Variants in NCK2 observed in about 807,000 individuals in gnomAD.
The protein encoded by NCK2 is cytoplasmic protein NCK2.
Under a neutral mutation model 33.9 loss-of-function variants are expected in NCK2, and 16 were observed. The ratio of observed to expected loss-of-function variants is 0.47; its 90% CI spans 0.32 to 0.72. The LOEUF is 0.72. NCK2 is among the 30% of genes least tolerant of loss of function. The pLI is 0.03. For missense variants in NCK2, 418 were observed against 537.3 expected (o/e 0.78, Z 2.19); for synonymous variants, 273 against 239.9 (o/e 1.14, Z -1.27).
chr2:105,778,204 C>T (rs1274091458), intron 1 of NCK2, among the ~76,000 whole-genome samples: 1 of 152,186 alleles, frequency 6.6e-6, no homozygotes, highest in Non-Finnish European at 1.5e-5. Context: ...CCTAGAAAGC[C>T]CCCTGCCTCT....
Position 105,881,968 on chromosome 2 carries a change from C to A in NCK2, c.867C>A (p.Asn289Lys). ...RFAGREWYYG[N>K]VTRHQAECAL... ...CGGGCAGAGAGTGGTACTACGGGAA[C>A]GTGACGCGGCACCAGGCCGAGTGCG... Residue 289 changes from asparagine (N) to lysine (K), a missense_variant, in exon 4 of 5, where the codon AAC (asparagine) becomes AAA (lysine). Coordinates refer to ENST00000233154, the MANE Select transcript of NCK2 (RefSeq NM_003581.5). 2.0e-6 allele frequency: 3 copies of A among 1,531,190 alleles called. No individual in the cohort carries two copies. Among genetic ancestry groups the A allele is most frequent in the South Asian group, 2.6e-5 (2 of 76,936 alleles). 94.9% of individuals were successfully genotyped at this position (1,531,190 alleles called of 1,614,324 possible). A position where few individuals can be genotyped will look rare whatever the true frequency, so the allele number is the denominator to read the frequency against.
At chr2:105,862,082 G>T (rs1046692892) in intron 3 of NCK2, among the ~76,000 whole-genome samples, 4 of 152,138 alleles carry the variant, frequency 2.6e-5, no homozygotes, top group African/African-American at 9.7e-5. Context: ...GGGTTAGCCT[G>T]CATAAATACA....
rs1675495819 is a variant in NCK2, at chr2:105,816,625, G to A, written c.-17+12G>A. 1 of 152,338 alleles carries A rather than the reference G, an allele frequency of 6.6e-6. No individual in the cohort carries two copies. The highest frequency in any genetic ancestry group is 2.4e-5 in the African/African-American group (1 of 41,584). The allele number at this position is 152,338 out of a possible 1,614,324, so 9.4% of individuals were successfully genotyped here. A position where few individuals can be genotyped will look rare whatever the true frequency, so the allele number is the denominator to read the frequency against. On this transcript the variant is annotated intron_variant, in intron 2 of 4. Coordinates refer to ENST00000233154, the MANE Select transcript of NCK2 (RefSeq NM_003581.5). ...ACTGTGTGCCAAAGGTAAGTCTGCAGTTTTCTGCTTAAAACAGAAGTTGCA... is the reference window on the plus strand; with the variant it reads ...ACTGTGTGCCAAAGGTAAGTCTGCAATTTTCTGCTTAAAACAGAAGTTGCA...
intron 4 of NCK2, among the ~76,000 whole-genome samples, chr2:105,888,098 C>G (rs571522476): frequency 1.3e-5 from 2 of 152,154 alleles, no homozygotes; most frequent in African/African-American, 4.8e-5. Context: ...GAATCTAAAG[C>G]CTAAACAAAA....
chr2:105,822,006 G>A (rs1394729115), intron 2 of NCK2, among the ~76,000 whole-genome samples: 1 of 151,912 alleles, frequency 6.6e-6, no homozygotes, highest in Non-Finnish European at 1.5e-5. Flanking sequence ...ACTGAAATGT[G>A]AGGCTCTGGG....
rs531333946 is a variant in NCK2, at chr2:105,749,305, T to C, written c.-201+4167T>C. On this transcript the variant is annotated intron_variant, in intron 1 of 4. Coordinates refer to ENST00000233154, the MANE Select transcript of NCK2 (RefSeq NM_003581.5). Reference sequence around the variant, plus strand: ...CAAGTGCACTCAGAATTTTAAGTATTGCAGTTGCTTCTTTTGAGACAATTT... The same window carrying C: ...CAAGTGCACTCAGAATTTTAAGTATCGCAGTTGCTTCTTTTGAGACAATTT... Among the ~76,000 whole-genome samples, 3 of 152,354 alleles carry C rather than the reference T, an allele frequency of 2.0e-5. No individual in the cohort carries two copies. The East Asian group carries it at 5.8e-4, about 29-fold the overall frequency.
At chr2:105,861,942 G>A (rs545486982) in intron 3 of NCK2, among the ~76,000 whole-genome samples, 63 of 41,160 alleles carry the variant, frequency 1.5e-3, no homozygotes, top group South Asian at 5.0e-3. Flanking sequence ...CCTCCTGCCC[G>A]CTCCCCCCTT....
At chr2:105,886,924 A>G (rs1180150402) in intron 4 of NCK2, among the ~76,000 whole-genome samples, 2 of 152,234 alleles carry the variant, frequency 1.3e-5, no homozygotes, top group Non-Finnish European at 2.9e-5. Context: ...TCCAAAGTTA[A>G]TGAGATGAAT....
chr2:105,819,071 T>C (rs1675622592), intron 2 of NCK2, among the ~76,000 whole-genome samples: 1 of 151,992 alleles, frequency 6.6e-6, no homozygotes, highest in Non-Finnish European at 1.5e-5. Context: ...TGATTTAGGG[T>C]GTTGTGTGTT....
chr2:105,827,788 T>C (rs1360697349), intron 2 of NCK2, among the ~76,000 whole-genome samples: 1 of 152,194 alleles, frequency 6.6e-6, no homozygotes, highest in Non-Finnish European at 1.5e-5. Flanking sequence ...AGGTTAGTGT[T>C]TACAAGGGGT....
chr2:105,838,736 C>T (rs1210173013), intron 2 of NCK2, among the ~76,000 whole-genome samples: 1 of 152,110 alleles, frequency 6.6e-6, no homozygotes, highest in East Asian at 1.9e-4. Context: ...GTGATGGAGA[C>T]CATCAACACC....
intron 1 of NCK2, among the ~76,000 whole-genome samples, chr2:105,782,053 A>G (rs1405921859): frequency 6.6e-6 from 1 of 152,236 alleles, no homozygotes; most frequent in Non-Finnish European, 1.5e-5. Flanking sequence ...GCTCCTAGAC[A>G]AAGACCTGGT....
chr2:105,774,609 TGGG>T (rs1360267951), intron 1 of NCK2, among the ~76,000 whole-genome samples: 1 of 152,014 alleles, frequency 6.6e-6, no homozygotes, highest in Admixed American at 6.6e-5. Flanking sequence ...GTCATGTGGC[TGGG>T]GAAGGCACAC....
intron 3 of NCK2, among the ~76,000 whole-genome samples, chr2:105,861,624 C>T (rs547112295): frequency 6.6e-6 from 1 of 151,740 alleles, no homozygotes; most frequent in East Asian, 1.9e-4. Context: ...AAGCGATTCT[C>T]CTGCTTCAGC....
Position 105,771,318 on chromosome 2 carries a change from G to C in NCK2, c.-201+26180G>C, listed in dbSNP as rs552196155. Among the ~76,000 whole-genome samples, 137 of 152,052 alleles carry C rather than the reference G, an allele frequency of 9.0e-4. 1 individual carries two copies. The highest frequency in any genetic ancestry group is 3.2e-3 in the African/African-American group (134 of 41,508). ...GGGGTGGCTCACGTGTGTAATCCCA[G>C]CACTTTGGGAGGCTGAGGCAGGTGG... On this transcript the variant is annotated intron_variant, in intron 1 of 4. Transcript: ENST00000233154.
intron 2 of NCK2, among the ~76,000 whole-genome samples, chr2:105,847,621 G>T (rs954378444): frequency 1.3e-5 from 2 of 152,080 alleles, no homozygotes; most frequent in Non-Finnish European, 2.9e-5. Context: ...TGGGAGAGGG[G>T]CCTGGTGGGA....
intron 3 of NCK2, chr2:105,857,117 G>A (rs1035575758): frequency 2.0e-5 from 3 of 151,596 alleles, no homozygotes; most frequent in Admixed American, 1.3e-4. Flanking sequence ...AAGGCAAGGC[G>A]AGTTCTCTGG....
At chr2:105,747,873 G>C (rs553054152) in intron 1 of NCK2, among the ~76,000 whole-genome samples, 1 of 152,148 alleles carries the variant, frequency 6.6e-6, no homozygotes, top group East Asian at 1.9e-4. Flanking sequence ...GCCTTTTAAC[G>C]GGCTATCAAA....
At chr2:105,868,135 C>T (rs982075610) in intron 3 of NCK2, among the ~76,000 whole-genome samples, 9 of 152,192 alleles carry the variant, frequency 5.9e-5, no homozygotes, top group African/African-American at 2.2e-4. Context: ...CACGTGCTGC[C>T]TTGGTGTAAC....
Sources: gnomAD v4.1 joint callset for allele counts (sites outside exome capture counted in the v4.1 genomes callset) on GRCh38, gnomAD v4.1.1 for gene constraint, MANE v1.5 for transcripts, NCBI Gene and HGNC (gene_info 2026-07-23, HGNC 2026-07-21) for gene names.